Variants in DOCK5 observed in about 807,000 individuals in gnomAD.
DOCK5 encodes the protein dedicator of cytokinesis 5, also known as dedicator of cytokinesis protein 5.
DOCK5 carries 142 observed loss-of-function variants against 251.8 expected under a neutral mutation model. That is an observed-to-expected ratio of 0.56 (90% confidence interval 0.49 to 0.65). The LOEUF is 0.65. Ranked by LOEUF, DOCK5 falls within the 30% of genes least tolerant of loss-of-function variation. The pLI, the probability that DOCK5 is intolerant of heterozygous loss-of-function variation, is 0.00. For missense variants in DOCK5, 2,111 were observed against 2,312.3 expected, an observed-to-expected ratio of 0.91 and a Z score of 1.79; for synonymous variants, 842 against 835.5, an observed-to-expected ratio of 1.01 and a Z score of -0.13.
chr8:25,342,003 G>A (rs1805967193), intron 24 of DOCK5, among the ~76,000 whole-genome samples, 194 bp downstream of exon 24: 1 of 152,034 alleles, frequency 6.6e-6, no homozygotes, highest in Admixed American at 6.6e-5. Flanking sequence ...ACTTTCTCTG[G>A]GAAAACAAGA....
Position 25,372,597 on chromosome 8 carries a change from G to A in DOCK5, c.3563G>A (p.Ser1188Asn). The A allele has an allele frequency of 6.3e-7, 1 of 1,599,800 alleles. No individual in the cohort carries two copies. Among genetic ancestry groups the A allele is most frequent in the South Asian group, 1.1e-5 (1 of 88,398 alleles). Residue 1188 changes from serine to asparagine, a missense_variant, in exon 35 of 52, where the codon AGC becomes AAC. By Grantham distance (46) the Ser-to-Asn change is conservative. Around this residue, in one of 3 missense-constraint regions of DOCK5, gnomAD observed 1,717 missense variants for 1,892.4 expected, o/e 0.91. Coordinates refer to ENST00000276440, the MANE Select transcript of DOCK5 (RefSeq NM_024940.8). ...EHCRKHKYLS[S>N]SGEVFALLVS... Reference sequence around the variant, plus strand: ...TGCCGGAAACACAAATACCTCTCCAGCTCTGGGGAGGTCTTCGCCCTCCTG... The same window carrying A: ...TGCCGGAAACACAAATACCTCTCCAACTCTGGGGAGGTCTTCGCCCTCCTG...
intron 38 of DOCK5, among the ~76,000 whole-genome samples, chr8:25,378,053 T>C: frequency 6.6e-6 from 1 of 152,150 alleles, no homozygotes; most frequent in Non-Finnish European, 1.5e-5. Context: ...GGGGTTTCAT[T>C]ATACAGGCAG....
At chr8:25,275,132 G>A (rs1016882317) in intron 3 of DOCK5, among the ~76,000 whole-genome samples, 9 of 152,154 alleles carry the variant, frequency 5.9e-5, no homozygotes, top group African/African-American at 2.2e-4. Flanking sequence ...AGCTGACACA[G>A]CATGTTTGCC....
intron 38 of DOCK5, 91 bp downstream of exon 38, chr8:25,377,515 A>G: frequency 1.4e-6 from 2 of 1,448,886 alleles, no homozygotes; most frequent in Non-Finnish European, 1.8e-6. Flanking sequence ...TGGAGTTAGC[A>G]CTGACTACCC....
chr8:25,331,632 T>C (rs1453351039), intron 18 of DOCK5, among the ~76,000 whole-genome samples: 3 of 152,004 alleles, frequency 2.0e-5, no homozygotes, highest in African/African-American at 7.2e-5. Context: ...TAGCAAGGAG[T>C]TGGTTTTTCA....
At chr8:25,350,939 C>T (rs938452850) in intron 26 of DOCK5, among the ~76,000 whole-genome samples, 4 of 152,190 alleles carry the variant, frequency 2.6e-5, no homozygotes, top group Non-Finnish European at 4.4e-5. Flanking sequence ...TAACAATTCC[C>T]TTGACTTGAA....
intron 14 of DOCK5, among the ~76,000 whole-genome samples, chr8:25,318,167 C>T (rs1436507667): frequency 6.6e-6 from 1 of 152,142 alleles, no homozygotes; most frequent in African/African-American, 2.4e-5. Context: ...CTGCCTGCTG[C>T]AACCTCTGCC....
rs2271111 is a variant in DOCK5 at position 25,364,649 on chromosome 8, A to G, written c.3068A>G (p.Gln1023Arg). The G allele has an allele frequency of 0.32, 508,824 of 1,597,416 alleles. 84,578 individuals carry two copies. The highest frequency in any genetic ancestry group is 0.34 in the Non-Finnish European group (394,164 of 1,169,882). ...QNRVFLRAIN[Q>R]FAEVLTRFFM... ...AGGGTTTTTCTCCGTGCTATAAATCAGTTTGCTGAAGTTCTCACAAGATTC... is the reference window on the plus strand; with the variant it reads ...AGGGTTTTTCTCCGTGCTATAAATCGGTTTGCTGAAGTTCTCACAAGATTC... The change falls in exon 30 of 52, where the codon CAG (glutamine) becomes CGG (arginine). Residue 1023 changes from glutamine to arginine, a missense_variant. Coordinates refer to ENST00000276440, the MANE Select transcript of DOCK5 (RefSeq NM_024940.8).
intron 48 of DOCK5, among the ~76,000 whole-genome samples, chr8:25,405,284 G>A (rs751517544): frequency 2.4e-4 from 35 of 145,944 alleles, no homozygotes; most frequent in Non-Finnish European, 3.9e-4. Flanking sequence ...TTTTTTCATT[G>A]ACTTTTAGGG....
chr8:25,395,926 T>C, intron 45 of DOCK5: 1 of 681,382 alleles, frequency 1.5e-6, no homozygotes, highest in Non-Finnish European at 2.6e-6. Context: ...ACTTACCTAG[T>C]AAAGCGTCAC....
intron 13 of DOCK5, 76 bp from the exon 14 acceptor site, chr8:25,316,931 T>G: frequency 2.4e-5 from 38 of 1,569,310 alleles, no homozygotes; most frequent in Non-Finnish European, 3.3e-5. Flanking sequence ...TGTCTTTACC[T>G]TTTATGTCGT....
At chr8:25,403,765 C>T (rs17053612) in intron 48 of DOCK5, 41 bp downstream of exon 48, 577,636 of 1,601,622 alleles carry the variant, frequency 0.36, 104,543 homozygotes, top group Middle Eastern at 0.37. Context: ...GGTGGGGTAA[C>T]GCCTTACTAA....
rs1563309338 is a variant in DOCK5, at chr8:25,210,126, ATCTAT to A, written c.43+25176_43+25180del. Among the ~76,000 whole-genome samples, 181 of 50,062 alleles carry A rather than the reference ATCTAT, an allele frequency of 3.6e-3. 48 individuals carry two copies. Among genetic ancestry groups the A allele is most frequent in the African/African-American group, 7.2e-3 (167 of 23,054 alleles). The allele number at this position is 50,062 out of a possible 152,430, so 32.8% of individuals were successfully genotyped here. On this transcript the variant is annotated intron_variant, in intron 1 of 51. Coordinates refer to ENST00000276440, the MANE Select transcript of DOCK5 (RefSeq NM_024940.8). The stretch of plus-strand genomic sequence containing the variant: ...TATCTATCTATCTATCTATCTATCT[ATCTAT>A]CTATCGAGTAGAGATGGGGCCTTGC...
intron 1 of DOCK5, among the ~76,000 whole-genome samples, chr8:25,188,635 A>T (rs1801491213): frequency 6.6e-6 from 1 of 152,166 alleles, no homozygotes; most frequent in Non-Finnish European, 1.5e-5. Context: ...TAGTTCTTAA[A>T]CAGCAGTGTT....
chr8:25,202,350 G>A (rs1378401724), intron 1 of DOCK5, among the ~76,000 whole-genome samples: 1 of 152,144 alleles, frequency 6.6e-6, no homozygotes, highest in Non-Finnish European at 1.5e-5. Flanking sequence ...GGGATCTCTG[G>A]GTGATGGGAC....
At chr8:25,189,126 A>G (rs887855179) in intron 1 of DOCK5, among the ~76,000 whole-genome samples, 2 of 149,916 alleles carry the variant, frequency 1.3e-5, no homozygotes, top group African/African-American at 4.9e-5. Context: ...GCTCACTGCA[A>G]CCTGCCATCT....
intron 5 of DOCK5, among the ~76,000 whole-genome samples, chr8:25,279,413 A>G (rs1262440277): frequency 2.0e-5 from 3 of 152,142 alleles, no homozygotes; most frequent in African/African-American, 7.2e-5. Flanking sequence ...AGGATGCTCA[A>G]AGTCTATTGG....
intron 2 of DOCK5, among the ~76,000 whole-genome samples, chr8:25,263,641 C>T (rs999256696): frequency 2.6e-5 from 4 of 151,772 alleles, no homozygotes; most frequent in South Asian, 2.1e-4. Flanking sequence ...CTCAGCTATC[C>T]GAGGCCAGTG....
At chr8:25,277,853 C>T (rs1586288206) in intron 4 of DOCK5, among the ~76,000 whole-genome samples, 1 of 152,172 alleles carries the variant, frequency 6.6e-6, no homozygotes, top group Non-Finnish European at 1.5e-5. Flanking sequence ...ACTAGGTCTC[C>T]TATATTTTTC....
Sources: gnomAD v4.1 joint callset for allele counts (sites outside exome capture counted in the v4.1 genomes callset) on GRCh38, gnomAD v4.1.1 for gene constraint, gnomAD v4.1.1 regional missense constraint, MANE v1.5 for transcripts, NCBI Gene and HGNC (gene_info 2026-07-23, HGNC 2026-07-21) for gene names.